Variants in FNDC3B observed in about 807,000 individuals in gnomAD.
The protein encoded by FNDC3B is fibronectin type III domain-containing protein 3B.
Under a neutral mutation model 151.5 loss-of-function variants are expected in FNDC3B, and 12 were observed. The observed-to-expected ratio is 0.08, with a 90% CI of 0.05 to 0.13. FNDC3B has a LOEUF of 0.13. FNDC3B is among the 10% of genes least tolerant of loss of function. The pLI, the probability that FNDC3B is intolerant of heterozygous loss-of-function variation, is 1.00. For missense variants in FNDC3B, 1,214 were observed against 1,505.3 expected (o/e 0.81, Z 3.20); for synonymous variants, 528 against 549.0 (o/e 0.96, Z 0.54).
At chr3:172,055,937 C>T (rs571800624) in intron 1 of FNDC3B, among the ~76,000 whole-genome samples, 2 of 152,222 alleles carry the variant, frequency 1.3e-5, no homozygotes, top group Non-Finnish European at 2.9e-5. Flanking sequence ...CCCGCCACCA[C>T]GCCCGGCTAA....
chr3:172,144,017 G>T (rs1180599464), intron 3 of FNDC3B, among the ~76,000 whole-genome samples: 1 of 152,172 alleles, frequency 6.6e-6, no homozygotes, highest in African/African-American at 2.4e-5. Flanking sequence ...TTGAGACTGT[G>T]TAGCTTATAA....
chr3:172,199,077 C>T (rs562373555), intron 3 of FNDC3B, among the ~76,000 whole-genome samples: 25 of 152,316 alleles, frequency 1.6e-4, no homozygotes, highest in Admixed American at 3.3e-4. Flanking sequence ...GATCCTTCCT[C>T]CTCAGCCTCC....
At chr3:172,127,087 G>T (rs550867582) in intron 2 of FNDC3B, 1 of 456,612 alleles carries the variant, frequency 2.2e-6, no homozygotes, top group East Asian at 6.9e-5. Flanking sequence ...AGATTTTATC[G>T]AGAGCATGAA....
chr3:172,386,256 T>A (rs1735699784), intron 25 of FNDC3B, among the ~76,000 whole-genome samples: 1 of 150,898 alleles, frequency 6.6e-6, no homozygotes, highest in South Asian at 2.1e-4. Flanking sequence ...GCATAGACAG[T>A]TTCATGCATA....
chr3:172,311,323 G>A (rs1339742430), intron 11 of FNDC3B, among the ~76,000 whole-genome samples: 1 of 152,204 alleles, frequency 6.6e-6, no homozygotes, highest in Non-Finnish European at 1.5e-5. Flanking sequence ...GCCTCTGTGA[G>A]AGCAGAGCAG....
At chr3:172,369,769 A>G (rs574141212) in intron 23 of FNDC3B, among the ~76,000 whole-genome samples, 4 of 152,282 alleles carry the variant, frequency 2.6e-5, no homozygotes, top group East Asian at 3.9e-4. Flanking sequence ...GTGTCCCCAC[A>G]TGATGCCATC....
intron 3 of FNDC3B, among the ~76,000 whole-genome samples, chr3:172,180,548 A>C (rs966060789): frequency 6.6e-6 from 1 of 152,184 alleles, no homozygotes; most frequent in South Asian, 2.1e-4. Context: ...TCTTTTATAC[A>C]AAGTCCTGTG....
chr3:172,194,181 C>T (rs990171060), intron 3 of FNDC3B, among the ~76,000 whole-genome samples: 1 of 152,084 alleles, frequency 6.6e-6, no homozygotes, highest in Non-Finnish European at 1.5e-5. Flanking sequence ...GATCACGCCA[C>T]TGCACTCCAG....
chr3:172,342,869 G>A (rs1209489498), intron 17 of FNDC3B, 142 bp from the exon 18 acceptor site: 1 of 549,698 alleles, frequency 1.8e-6, no homozygotes, highest in South Asian at 2.4e-5. Flanking sequence ...TACATTAAAA[G>A]CATACCATAA....
chr3:172,355,456 G>A (rs1440856648), intron 22 of FNDC3B, among the ~76,000 whole-genome samples: 1 of 152,082 alleles, frequency 6.6e-6, no homozygotes, highest in Non-Finnish European at 1.5e-5. Flanking sequence ...GCATCACCTG[G>A]GAACTCGATA....
chr3:172,378,214 A>G (rs1735252985), intron 23 of FNDC3B, 56 bp from the exon 24 acceptor site: 1 of 1,461,064 alleles, frequency 6.8e-7, no homozygotes, highest in African/African-American at 1.4e-5. Flanking sequence ...ATCATAATTA[A>G]TTTCTTGTCA....
In FNDC3B at chr3:172,399,844, T is replaced by C. The variant is rs971061951; in HGVS notation, c.*2369T>C. ...ATTCTCTAATTGGTTGAATTTTTTT[T>C]TTAAGTAAATAGTACTTTAGGCCAA... is the stretch of plus-strand genomic sequence containing the variant. On this transcript the variant is annotated 3_prime_UTR_variant, in exon 26 of 26. Transcript: ENST00000415807. The C allele has an allele frequency of 1.3e-5, 2 of 152,654 alleles. No individual in the cohort carries two copies. Among genetic ancestry groups the C allele is most frequent in the Non-Finnish European group, 2.9e-5 (2 of 68,038 alleles). The allele number at this position is 152,654 out of a possible 1,614,324, so 9.5% of individuals were successfully genotyped here. A position where few individuals can be genotyped will look rare whatever the true frequency, so the allele number is the denominator to read the frequency against.
chr3:172,323,119 T>C (rs1459017572), intron 11 of FNDC3B, among the ~76,000 whole-genome samples: 3 of 151,930 alleles, frequency 2.0e-5, no homozygotes, highest in Non-Finnish European at 4.4e-5. Flanking sequence ...TTGAAAGAAA[T>C]TGAAAAATAT....
In FNDC3B at chr3:172,352,966, C is replaced by T. The variant is rs756607713; in HGVS notation, c.2678C>T (p.Pro893Leu). The T allele has an allele frequency of 6.2e-7, 1 of 1,614,150 alleles. No homozygotes were observed. The highest frequency in any genetic ancestry group is 1.7e-5 in the Admixed American group (1 of 60,032). ...SACLVLNWEE[P>L]CNNGSEILAY... is the part of the protein sequence containing the mutation. Reference sequence around the variant, plus strand: ...TGCCTTGTACTGAACTGGGAAGAGCCGTGCAATAACGGATCTGAAATCCTT... The same window carrying T: ...TGCCTTGTACTGAACTGGGAAGAGCTGTGCAATAACGGATCTGAAATCCTT... Residue 893 changes from proline to leucine, a missense_variant, in exon 22 of 26, where the codon CCG (proline) becomes CTG (leucine). By Grantham distance (98) the Pro-to-Leu change is moderately conservative. Transcript: ENST00000415807. This position sits in a 1 kb window ranked among gnomAD's most constrained non-coding sequence, Gnocchi z 4.2.
intron 3 of FNDC3B, among the ~76,000 whole-genome samples, chr3:172,165,169 A>G (rs948697379): frequency 2.6e-5 from 4 of 152,076 alleles, no homozygotes; most frequent in Non-Finnish European, 5.9e-5. Flanking sequence ...ATGCGCCACC[A>G]TGGCTGAGTT....
chr3:172,223,827 TA>T, intron 3 of FNDC3B, among the ~76,000 whole-genome samples: 1 of 152,358 alleles, frequency 6.6e-6, no homozygotes, highest in South Asian at 2.1e-4. Flanking sequence ...TATAAAATTA[TA>T]AAAAGCATTG....
Position 172,378,444 on chromosome 3 carries a change from G to C in FNDC3B, c.3175+8G>C. The C allele has an allele frequency of 6.3e-7, 1 of 1,598,298 alleles. No individual in the cohort carries two copies. Among genetic ancestry groups the C allele is most frequent in the Non-Finnish European group, 8.5e-7 (1 of 1,174,408 alleles). ...TCCCCCCCACCATCAAAGGTGTGTA[G>C]ACTATGTATTCTTTCTCGCTCTCTT... On this transcript the variant is annotated splice_region_variant and intron_variant, in intron 24 of 25. Transcript: ENST00000415807.
intron 3 of FNDC3B, among the ~76,000 whole-genome samples, chr3:172,168,873 GGCTAATTTTTGTTATTTTT>G (rs1437304885): frequency 3.3e-5 from 5 of 150,876 alleles, no homozygotes; most frequent in Admixed American, 1.3e-4. Flanking sequence ...CACCACTCCC[GGCTAATTTTTGTTATTTTT>G]GCTAGAGACG....
At chr3:172,354,656 C>G (rs1290373003) in intron 22 of FNDC3B, among the ~76,000 whole-genome samples, 1 of 151,798 alleles carries the variant, frequency 6.6e-6, no homozygotes, top group Non-Finnish European at 1.5e-5. Context: ...AACATAATTG[C>G]AGTAATTATA....
Sources: gnomAD v4.1 joint callset for allele counts (sites outside exome capture counted in the v4.1 genomes callset) on GRCh38, gnomAD v4.1.1 for gene constraint, Gnocchi (gnomAD v3.1) non-coding constraint, MANE v1.5 for transcripts, NCBI Gene and HGNC (gene_info 2026-07-23, HGNC 2026-07-21) for gene names.